The following KIF6 variants were observed in gnomAD, a reference collection of about 807,000 sequenced individuals.
The protein encoded by KIF6 is kinesin-like protein KIF6.
In KIF6, 106 loss-of-function variants were observed where a neutral mutation model predicts 112.7. That is an observed-to-expected ratio of 0.94 (90% CI 0.80 to 1.11). The LOEUF (loss-of-function observed/expected upper bound fraction) is 1.11. Among genes scored for constraint, KIF6 ranks in the 50% least tolerant of loss-of-function variants. KIF6 has a pLI of 0.00. For synonymous variants in KIF6, 339 were observed against 339.9 expected (o/e 1.00, Z 0.03); for missense variants, 929 against 964.0 (o/e 0.96, Z 0.48).
chr6:39,369,696 C>T lies in KIF6; in HGVS notation c.1862-7178G>A, dbSNP rs185492005. Among the ~76,000 whole-genome samples the T allele has an allele frequency of 1.1e-4, 16 of 152,248 alleles. No individual in the cohort carries two copies. In the East Asian group the frequency reaches 1.4e-3, roughly 13 times the overall value. Reference sequence around the variant, plus strand: ...GCAGACTGTAAAGTCAGAGGGTCAGCGTGTACTAGGGTCAGTCGGCAATAT... The same window carrying T: ...GCAGACTGTAAAGTCAGAGGGTCAGTGTGTACTAGGGTCAGTCGGCAATAT... On this transcript the variant is annotated intron_variant, in intron 16 of 22. Transcript: ENST00000287152.
intron 16 of KIF6, among the ~76,000 whole-genome samples, chr6:39,363,109 A>G (rs1246049443): frequency 1.3e-5 from 2 of 152,336 alleles, no homozygotes; most frequent in East Asian, 1.9e-4. Context: ...AGATCATGCC[A>G]TTGCACTCCA....
chr6:39,659,915 C>T (rs1174036013), intron 3 of KIF6, among the ~76,000 whole-genome samples: 1 of 152,122 alleles, frequency 6.6e-6, no homozygotes, highest in Non-Finnish European at 1.5e-5. Flanking sequence ...TTTACTTAGC[C>T]TCAAAGAAAT....
At chr6:39,427,376 G>A (rs914790429) in intron 14 of KIF6, among the ~76,000 whole-genome samples, 1 of 152,164 alleles carries the variant, frequency 6.6e-6, no homozygotes, top group Non-Finnish European at 1.5e-5. Flanking sequence ...CCCTGCTTAT[G>A]CAGTTATTTG....
chr6:39,380,993 AT>A (rs1483245005), intron 16 of KIF6, among the ~76,000 whole-genome samples: 1 of 152,232 alleles, frequency 6.6e-6, no homozygotes, highest in Admixed American at 6.5e-5. Flanking sequence ...CTAACAGTTT[AT>A]GCTTTTATGG....
Position 39,722,841 on chromosome 6 carries a change from TA to T in KIF6, c.67-2031del, listed in dbSNP as rs1349469579. Among the ~76,000 whole-genome samples the T allele has an allele frequency of 3.9e-5, 6 of 152,294 alleles. No homozygotes were observed. In the East Asian group the frequency reaches 1.2e-3, roughly 29 times the overall value. ...GTGTGACACCTAAAAATATGACACC[TA>T]AAACTACTTCCTGGAGGATCAAACA... On this transcript the variant is annotated intron_variant, in intron 1 of 22. Transcript: ENST00000287152.
At chr6:39,705,161 T>C (rs1235062241) in intron 3 of KIF6, among the ~76,000 whole-genome samples, 1 of 152,192 alleles carries the variant, frequency 6.6e-6, no homozygotes, top group Non-Finnish European at 1.5e-5. Flanking sequence ...TAGGCCTAGG[T>C]GAGTGAATCT....
intron 3 of KIF6, among the ~76,000 whole-genome samples, chr6:39,687,445 A>G (rs1446681254): frequency 6.6e-6 from 1 of 152,218 alleles, no homozygotes; most frequent in Non-Finnish European, 1.5e-5. Flanking sequence ...TTGTTCTCTA[A>G]AAGGTCTGAA....
intron 13 of KIF6, among the ~76,000 whole-genome samples, chr6:39,496,396 C>T (rs1775784709): frequency 6.6e-6 from 1 of 152,184 alleles, no homozygotes; most frequent in Non-Finnish European, 1.5e-5. Context: ...TGCTCAGCCA[C>T]TATTTTAGGC....
At chr6:39,587,562 A>G (rs1233690175) in intron 7 of KIF6, among the ~76,000 whole-genome samples, 1 of 151,792 alleles carries the variant, frequency 6.6e-6, no homozygotes, top group Non-Finnish European at 1.5e-5. Context: ...AGACCTTCAC[A>G]CTTTTCTCCT....
intron 13 of KIF6, among the ~76,000 whole-genome samples, chr6:39,503,480 TG>T (rs1474693976): frequency 6.6e-6 from 1 of 151,554 alleles, no homozygotes; most frequent in Admixed American, 6.6e-5. Context: ...ATATCAGAGC[TG>T]AACTGAAGGA....
chr6:39,555,842 TA>T (rs1328519517), intron 10 of KIF6, among the ~76,000 whole-genome samples: 1 of 150,848 alleles, frequency 6.6e-6, no homozygotes, highest in Admixed American at 6.6e-5. Context: ...TAATCCCAGT[TA>T]CTCGGGAAGC....
chr6:39,491,091 T>A lies in KIF6; in HGVS notation c.1645+48912A>T, dbSNP rs1010820043. The stretch of plus-strand genomic sequence containing the variant: ...AATCTAATTTCCTTCTCCTTGAATC[T>A]GAGTGGATCTGGGACTCATTTGTAA... On this transcript the variant is annotated intron_variant, in intron 13 of 22. Coordinates refer to ENST00000287152, the MANE Select transcript of KIF6 (RefSeq NM_145027.6). Among the ~76,000 whole-genome samples the A allele has an allele frequency of 9.2e-5, 14 of 152,312 alleles. No individual in the cohort carries two copies. In the South Asian group the frequency reaches 1.9e-3, roughly 20 times the overall value.
chr6:39,487,068 A>G (rs1378731499), intron 13 of KIF6, among the ~76,000 whole-genome samples: 3 of 152,240 alleles, frequency 2.0e-5, no homozygotes, highest in African/African-American at 7.2e-5. Context: ...GTATCAGTTT[A>G]CTTTAAAAAC....
At chr6:39,391,495 T>A (rs1488395089) in intron 15 of KIF6, among the ~76,000 whole-genome samples, 1 of 152,170 alleles carries the variant, frequency 6.6e-6, no homozygotes. Flanking sequence ...GCTCACGGGC[T>A]CTATACAGGG....
intron 13 of KIF6, among the ~76,000 whole-genome samples, chr6:39,446,071 G>T (rs563777325): frequency 6.6e-6 from 1 of 152,292 alleles, no homozygotes; most frequent in South Asian, 2.1e-4. Context: ...TGTGATTCCT[G>T]TTCAGTGGTG....
intron 22 of KIF6, among the ~76,000 whole-genome samples, chr6:39,339,160 T>C (rs962116324): frequency 6.6e-6 from 1 of 152,116 alleles, no homozygotes; most frequent in African/African-American, 2.4e-5. Context: ...ACACTACAGA[T>C]GTACCATTAA....
At chr6:39,399,106 G>A (rs555251561) in intron 15 of KIF6, among the ~76,000 whole-genome samples, 140 of 152,276 alleles carry the variant, frequency 9.2e-4, no homozygotes, top group South Asian at 3.5e-3. Flanking sequence ...TGCCCTGTTC[G>A]AGTTGAACTT....
intron 13 of KIF6, among the ~76,000 whole-genome samples, chr6:39,525,920 A>G (rs576249825): frequency 2.6e-5 from 4 of 152,216 alleles, no homozygotes; most frequent in Non-Finnish European, 5.9e-5. Context: ...TAGATGGGAA[A>G]ATGGAAATGT....
At chr6:39,600,316 G>A (rs1782503011) in intron 6 of KIF6, among the ~76,000 whole-genome samples, 1 of 152,170 alleles carries the variant, frequency 6.6e-6, no homozygotes, top group Admixed American at 6.5e-5. Flanking sequence ...TGCATGCAGA[G>A]AGCTTTCACG....
Sources: gnomAD v4.1 joint callset for allele counts (sites outside exome capture counted in the v4.1 genomes callset) on GRCh38, gnomAD v4.1.1 for gene constraint, MANE v1.5 for transcripts, NCBI Gene and HGNC (gene_info 2026-07-23, HGNC 2026-07-21) for gene names.